The following ARHGAP15 variants were observed in gnomAD, a reference collection of about 807,000 sequenced individuals.
ARHGAP15 encodes the protein Rho GTPase activating protein 15.
In ARHGAP15, 51 loss-of-function variants were observed where a neutral mutation model predicts 63.7. That is an observed-to-expected ratio of 0.80 (90% CI 0.64 to 1.01). The LOEUF (loss-of-function observed/expected upper bound fraction) is 1.01. Among genes scored for constraint, ARHGAP15 ranks in the 50% least tolerant of loss-of-function variants. The pLI is 0.00. For missense variants in ARHGAP15, 560 were observed against 564.6 expected (o/e 0.99, Z 0.08); for synonymous variants, 191 against 193.8 (o/e 0.99, Z 0.12).
intron 12 of ARHGAP15, among the ~76,000 whole-genome samples, chr2:143,631,857 C>T (rs556639469): frequency 5.5e-5 from 8 of 145,356 alleles, no homozygotes; most frequent in East Asian, 4.0e-4. Flanking sequence ...TGTGCCTTCA[C>T]GTGGACTAAT....
chr2:143,283,262 T>C (rs1039390944), intron 6 of ARHGAP15, among the ~76,000 whole-genome samples: 2 of 152,170 alleles, frequency 1.3e-5, no homozygotes, highest in African/African-American at 4.8e-5. Context: ...CTTTCCTCAA[T>C]GTACACACTA....
intron 10 of ARHGAP15, among the ~76,000 whole-genome samples, chr2:143,547,339 G>A (rs896495876): frequency 6.6e-6 from 1 of 151,932 alleles, no homozygotes; most frequent in African/African-American, 2.4e-5. Context: ...AGCCACACTG[G>A]AACTTTTTCC....
intron 6 of ARHGAP15, among the ~76,000 whole-genome samples, chr2:143,358,799 G>T (rs1685917219): frequency 6.6e-6 from 1 of 151,518 alleles, no homozygotes; most frequent in African/African-American, 2.4e-5. Flanking sequence ...GTTTTTATAT[G>T]TGTGAATGGA....
chr2:143,410,907 G>A (rs968347672), intron 6 of ARHGAP15, among the ~76,000 whole-genome samples: 6 of 151,252 alleles, frequency 4.0e-5, no homozygotes, highest in Admixed American at 1.3e-4. Context: ...AATAAAAAAC[G>A]AAAATATCGT....
At chr2:143,691,133 T>G (rs1683581698) in intron 12 of ARHGAP15, among the ~76,000 whole-genome samples, 1 of 152,206 alleles carries the variant, frequency 6.6e-6, no homozygotes, top group Non-Finnish European at 1.5e-5. Context: ...GTGCAGATTT[T>G]GTTTTCAGTG....
At chr2:143,531,698 T>C (rs976688033) in intron 10 of ARHGAP15, among the ~76,000 whole-genome samples, 3 of 152,184 alleles carry the variant, frequency 2.0e-5, no homozygotes, top group Admixed American at 6.5e-5. Flanking sequence ...GATATACAGA[T>C]ATTGTGTCAT....
At chr2:143,376,498 C>CT (rs1280411053) in intron 6 of ARHGAP15, among the ~76,000 whole-genome samples, 9 of 152,086 alleles carry the variant, frequency 5.9e-5, no homozygotes, top group African/African-American at 1.7e-4. Context: ...AGAAGGAAAG[C>CT]TTTGTATATT....
Position 143,330,131 on chromosome 2 carries a change from ACCAAAAAC to A in ARHGAP15, c.474+79532_474+79539del, listed in dbSNP as rs1558898073. Among the ~76,000 whole-genome samples the A allele has an allele frequency of 2.4e-4, 11 of 46,144 alleles. 2 individuals are homozygous for A. The highest frequency in any genetic ancestry group is 1.5e-3 in the South Asian group (2 of 1,308). 30.3% of individuals were successfully genotyped at this position (46,144 alleles called of 152,430 possible). On this transcript the variant is annotated intron_variant, in intron 6 of 13. Coordinates refer to ENST00000295095, the MANE Select transcript of ARHGAP15 (RefSeq NM_018460.4). ...AAAAAAAAAAAAAAAAAAAAAAAAA[ACCAAAAAC>A]AAAAAACTAAACTAATGATTAATAA...
rs991711888 is a variant in ARHGAP15, at chr2:143,552,570, G to GC, written c.926-3838_926-3837insC. 2.3e-3 allele frequency among the ~76,000 whole-genome samples: 348 copies of GC among 151,846 alleles called. 4 individuals are homozygous for GC. The highest frequency in any genetic ancestry group is 8.4e-3 in the African/African-American group (346 of 41,400). On this transcript the variant is annotated intron_variant, in intron 10 of 13. Transcript: ENST00000295095. ...TTCAGGAGAAAAAAAAGTCGGGGTGGGGAGGCAGGGGAAGACTTTTAAAAA... is the reference window on the plus strand; with the variant it reads ...TTCAGGAGAAAAAAAAGTCGGGGTGGCGGAGGCAGGGGAAGACTTTTAAAAA...
intron 7 of ARHGAP15, among the ~76,000 whole-genome samples, chr2:143,436,206 T>C (rs530716205): frequency 6.6e-6 from 1 of 152,186 alleles, no homozygotes; most frequent in Non-Finnish European, 1.5e-5. Context: ...ATTCAGAGTA[T>C]GTTTTCTAAG....
At chr2:143,158,417 T>G (rs1470402289) in intron 2 of ARHGAP15, among the ~76,000 whole-genome samples, 1 of 151,904 alleles carries the variant, frequency 6.6e-6, no homozygotes, top group East Asian at 1.9e-4. Flanking sequence ...AGTTAGAAAT[T>G]TTGATAACCT....
intron 13 of ARHGAP15, among the ~76,000 whole-genome samples, chr2:143,758,453 G>A (rs1686654101): frequency 6.6e-6 from 1 of 151,380 alleles, no homozygotes; most frequent in Non-Finnish European, 1.5e-5. Flanking sequence ...TTTCCCAAAA[G>A]ACCATGTATT....
chr2:143,248,873 C>T lies in ARHGAP15; in HGVS notation c.385-1638C>T, dbSNP rs143575854. On this transcript the variant is annotated intron_variant, in intron 5 of 13. Transcript: ENST00000295095. ...AGTACCTGGAACATAAAAAGTGCTT[C>T]TTAAAATAATTATACCTTTTTAACC... is the stretch of plus-strand genomic sequence containing the variant. 3.7e-3 allele frequency among the ~76,000 whole-genome samples: 570 copies of T among 152,274 alleles called. 1 individual carries two copies. The highest frequency in any genetic ancestry group is 5.7e-3 in the Non-Finnish European group (386 of 67,994).
intron 1 of ARHGAP15, among the ~76,000 whole-genome samples, chr2:143,142,304 A>G (rs912363982): frequency 6.6e-6 from 1 of 152,096 alleles, no homozygotes; most frequent in African/African-American, 2.4e-5. Flanking sequence ...ACTTCTGTAT[A>G]TGCAATAAAT....
intron 3 of ARHGAP15, among the ~76,000 whole-genome samples, chr2:143,209,851 T>G (rs968568931): frequency 6.6e-6 from 1 of 152,070 alleles, no homozygotes; most frequent in Non-Finnish European, 1.5e-5. Context: ...CAAAGGGCCT[T>G]GAAGTGATGG....
chr2:143,653,530 T>C (rs961567782), intron 12 of ARHGAP15, among the ~76,000 whole-genome samples: 2 of 152,198 alleles, frequency 1.3e-5, no homozygotes, highest in Non-Finnish European at 2.9e-5. Flanking sequence ...AATTTGTTCA[T>C]AATATTTTCT....
At chr2:143,140,228 G>C (rs2104987889) in intron 1 of ARHGAP15, among the ~76,000 whole-genome samples, 2 of 152,210 alleles carry the variant, frequency 1.3e-5, no homozygotes, top group East Asian at 3.9e-4. Flanking sequence ...AGCTGTGTGG[G>C]GGAGTATAGT....
At chr2:143,299,686 G>A (rs74627339) in intron 6 of ARHGAP15, among the ~76,000 whole-genome samples, 4,203 of 151,902 alleles carry the variant, frequency 0.028, 103 homozygotes, top group East Asian at 0.089. Context: ...TCTTAAAATT[G>A]TGTCTAAAAT....
chr2:143,627,054 T>C (rs1227220938), intron 12 of ARHGAP15, among the ~76,000 whole-genome samples: 1 of 152,150 alleles, frequency 6.6e-6, no homozygotes, highest in African/African-American at 2.4e-5. Context: ...GAAGTTGCCA[T>C]CTATTAGCCA....
Sources: gnomAD v4.1 joint callset for allele counts (sites outside exome capture counted in the v4.1 genomes callset) on GRCh38, gnomAD v4.1.1 for gene constraint, MANE v1.5 for transcripts, NCBI Gene and HGNC (gene_info 2026-07-23, HGNC 2026-07-21) for gene names.